The following ZNF529 variants were observed in gnomAD, a reference collection of about 807,000 sequenced individuals.
ZNF529 encodes the protein zinc finger protein 529.
In ZNF529, 11 loss-of-function variants were observed where a neutral mutation model predicts 10.1. The observed-to-expected ratio is 1.09, with a 90% CI of 0.69 to 1.81. ZNF529 has a LOEUF of 1.81. Ranked by LOEUF, ZNF529 falls within the 40% of genes most tolerant of loss-of-function variation. The pLI, the probability that ZNF529 is intolerant of heterozygous loss-of-function variation, is 0.00. For synonymous variants in ZNF529, 204 were observed against 215.7 expected, an observed-to-expected ratio of 0.95 and a Z score of 0.47; for missense variants, 624 against 666.8, an observed-to-expected ratio of 0.94 and a Z score of 0.71.
intron 2 of ZNF529, among the ~76,000 whole-genome samples, chr19:36,583,766 G>C (rs1357050147): frequency 6.6e-6 from 1 of 151,906 alleles, no homozygotes; most frequent in Non-Finnish European, 1.5e-5. Context: ...AAATAAAAAA[G>C]ATCTTAAGTA....
intron 1 of ZNF529, among the ~76,000 whole-genome samples, chr19:36,572,620 ATG>A (rs2036167633): frequency 2.0e-5 from 3 of 152,192 alleles, no homozygotes; most frequent in Non-Finnish European, 4.4e-5. Flanking sequence ...TAATGTATAA[ATG>A]GCCTCCAAAC....
intron 2 of ZNF529, among the ~76,000 whole-genome samples, chr19:36,571,715 T>C (rs996883105): frequency 2.0e-4 from 30 of 151,568 alleles, no homozygotes; most frequent in African/African-American, 7.3e-4. Context: ...ATTTTTAAAT[T>C]ACCTAAGTGG....
Position 36,548,234 on chromosome 19 carries a change from A to T in ZNF529, c.324T>A (p.Ser108Arg). ...AACCTTCAAGGCCACATAACTTGCT[A>T]CTTTCCATTACCTCCCACTGAGAAC... ...NTGSQWEVME[S>R]SKLCGLEGSI... The change falls in exon 5 of 5, where the codon AGT becomes AGA. Residue 108 changes from serine (S) to arginine (R), a missense_variant. Physicochemically the swap from Ser to Arg is moderately radical, Grantham distance 110 (BLOSUM62 -1). Transcript: ENST00000591340. The T allele has an allele frequency of 6.2e-7, 1 of 1,613,786 alleles. No homozygotes were observed. Among genetic ancestry groups the T allele is most frequent in the Non-Finnish European group, 8.5e-7 (1 of 1,179,830 alleles).
chr19:36,579,711 GA>G (rs2036421610), intron 2 of ZNF529, among the ~76,000 whole-genome samples: 1 of 152,220 alleles, frequency 6.6e-6, no homozygotes, highest in Non-Finnish European at 1.5e-5. Context: ...TACTTGCCAT[GA>G]ATGGAGCTTG....
intron 2 of ZNF529, among the ~76,000 whole-genome samples, chr19:36,585,776 G>A (rs2036566856): frequency 6.6e-6 from 1 of 152,230 alleles, no homozygotes; most frequent in Admixed American, 6.5e-5. Flanking sequence ...TTGGTGGGAT[G>A]GAAGATAATG....
At chr19:36,577,906 C>T (rs139358809), upstream of ZNF529, 1 of 152,110 alleles carries the variant, frequency 6.6e-6, no homozygotes, top group African/African-American at 2.4e-5. Flanking sequence ...AAATGGTATT[C>T]TAAGCCTTCC....
At chr19:36,588,092 G>T (rs2036621105) in intron 2 of ZNF529, among the ~76,000 whole-genome samples, 1 of 152,132 alleles carries the variant, frequency 6.6e-6, no homozygotes, top group African/African-American at 2.4e-5. Flanking sequence ...AAGTTGCAGT[G>T]AGCCGAGATC....
At chr19:36,578,830 TC>T (rs1464578262) in intron 2 of ZNF529, among the ~76,000 whole-genome samples, 2 of 151,622 alleles carry the variant, frequency 1.3e-5, no homozygotes, top group African/African-American at 2.4e-5. Flanking sequence ...ACTCCTGACT[TC>T]AAGTGATCTG....
upstream of ZNF529, chr19:36,577,327 C>A: frequency 3.0e-6 from 1 of 332,962 alleles, no homozygotes; most frequent in Admixed American, 3.9e-5. Flanking sequence ...GAGGGAGGTC[C>A]TCCCATGTTA....
intron 1 of ZNF529, among the ~76,000 whole-genome samples, chr19:36,595,678 G>T (rs1483004899): frequency 6.6e-6 from 1 of 152,076 alleles, no homozygotes; most frequent in Non-Finnish European, 1.5e-5. Context: ...CAGCCTGGAC[G>T]ACAGAGCAAG....
At position 36,547,739 on chromosome 19, in the gene ZNF529, TTGAAG is replaced by T. The variant is rs778573527; in HGVS notation, c.814_818del (p.Leu272LysfsTer4). ...AGTGTTTCTCACCATCATGAACTCT[TTGAAG>T]TGGAGTAACTTTTCCAACTCTTTCA... is the stretch of plus-strand genomic sequence containing the variant. On this transcript the variant is annotated frameshift_variant, in exon 5 of 5. Transcript: ENST00000591340. LOFTEE classifies it low-confidence loss of function (END_TRUNC). 5.6e-6 allele frequency: 9 copies of T among 1,613,772 alleles called. No homozygotes were observed. In the South Asian group the frequency reaches 8.8e-5, roughly 16 times the overall value.
chr19:36,575,524 A>C (rs2036295113), upstream of ZNF529, among the ~76,000 whole-genome samples: 1 of 151,678 alleles, frequency 6.6e-6, no homozygotes, highest in African/African-American at 2.4e-5. Context: ...GCCCTCCTAA[A>C]TCACTTTAAG....
chr19:36,590,700 C>T (rs1167560622), intron 1 of ZNF529, among the ~76,000 whole-genome samples: 3 of 152,214 alleles, frequency 2.0e-5, no homozygotes, highest in South Asian at 4.1e-4. Flanking sequence ...GAGGCCGAGG[C>T]GGGCAGATCA....
exon 2 of ZNF529, chr19:36,589,694 C>T (rs540889840): frequency 6.6e-6 from 1 of 150,808 alleles, no homozygotes; most frequent in Non-Finnish European, 1.5e-5. Context: ...ACATCCATCT[C>T]TCAGCAACTG....
chr19:36,602,244 T>A (rs1381849969), intron 1 of ZNF529, among the ~76,000 whole-genome samples: 2 of 151,702 alleles, frequency 1.3e-5, no homozygotes, highest in Admixed American at 1.3e-4. Flanking sequence ...GATGGTGTTT[T>A]GCCATGTTGG....
chr19:36,579,286 A>T (rs758381348), intron 2 of ZNF529, among the ~76,000 whole-genome samples: 9 of 152,194 alleles, frequency 5.9e-5, no homozygotes, highest in Non-Finnish European at 1.2e-4. Context: ...GATACACATT[A>T]AGTATAAGAA....
At chr19:36,601,898 AG>A (rs2036928641) in intron 1 of ZNF529, among the ~76,000 whole-genome samples, 1 of 152,136 alleles carries the variant, frequency 6.6e-6, no homozygotes, top group South Asian at 2.1e-4. Context: ...GATATTATAT[AG>A]GAGTTTATAT....
rs375987417 is a variant in ZNF529, at chr19:36,546,059, G to GTATATATA, written c.*806_*807insTATATATA. 0.016 allele frequency: 1,959 copies of GTATATATA among 125,212 alleles called. 31 individuals are homozygous for GTATATATA. The highest frequency in any genetic ancestry group is 0.042 in the African/African-American group (1,520 of 36,110). The allele number at this position is 125,212 out of a possible 1,614,324, so 7.8% of individuals were successfully genotyped here. ...ATATACATATATTGTGTGTGTGTGT[G>GTATATATA]TGTATATATATATATATATATAGTG... On this transcript the variant is annotated 3_prime_UTR_variant, in exon 5 of 5. Coordinates refer to ENST00000591340, the MANE Select transcript of ZNF529 (RefSeq NM_020951.5).
intron 2 of ZNF529, among the ~76,000 whole-genome samples, chr19:36,558,165 A>T (rs1247238468): frequency 6.6e-6 from 1 of 152,098 alleles, no homozygotes; most frequent in East Asian, 1.9e-4. Flanking sequence ...ACAAATTAAC[A>T]TCTCAGAGAA....
Sources: allele counts gnomAD v4.1 joint callset (sites outside exome capture counted in the v4.1 genomes callset), GRCh38; gene constraint gnomAD v4.1.1; transcripts MANE v1.5; gene names NCBI Gene and HGNC (gene_info 2026-07-23, HGNC 2026-07-21).